Variants in ANO10 observed in about 807,000 individuals in gnomAD.
ANO10 encodes the protein anoctamin-10.
Under a neutral mutation model 74.7 loss-of-function variants are expected in ANO10, and 77 were observed. That is an observed-to-expected ratio of 1.03 (90% CI 0.86 to 1.25). The LOEUF (loss-of-function observed/expected upper bound fraction) is 1.25. Among genes scored for constraint, ANO10 ranks in the 50% most tolerant of loss-of-function variants. The probability of loss-of-function intolerance (pLI) is 0.00; values close to 1 mark genes in which losing one functional copy is unlikely to be tolerated. For missense variants in ANO10, 721 were observed against 778.1 expected (o/e 0.93, Z 0.87); for synonymous variants, 279 against 284.9 (o/e 0.98, Z 0.21).
intron 1 of ANO10, among the ~76,000 whole-genome samples, chr3:43,627,026 A>T (rs1162151358): frequency 1.3e-5 from 2 of 150,042 alleles, no homozygotes; most frequent in Non-Finnish European, 2.9e-5. Context: ...GTGACCATGT[A>T]CTTTCACTGT....
In ANO10 at chr3:43,600,397, G is replaced by C. The variant is rs2082283631; in HGVS notation, c.324C>G (p.Phe108Leu). Residue 108 changes from phenylalanine to leucine, a missense_variant, in exon 3 of 13, where the codon TTC becomes TTG. Coordinates refer to ENST00000292246, the MANE Select transcript of ANO10 (RefSeq NM_018075.5). ...CTTAGGGCTTACCATCAAAACCTTT[G>C]AAGTTCTGTCTGGTTCTGTATGTGA... is the stretch of plus-strand genomic sequence containing the variant. ...RAFTYRTRQN[F>L]KGFDDNNDDF... is the part of the protein sequence containing the mutation. 6.2e-7 allele frequency: 1 copy of C among 1,614,006 alleles called. No homozygotes were observed. Among genetic ancestry groups the C allele is most frequent in the Non-Finnish European group, 8.5e-7 (1 of 1,179,932 alleles).
chr3:43,521,363 G>T (rs2077948410), intron 11 of ANO10, among the ~76,000 whole-genome samples: 2 of 152,154 alleles, frequency 1.3e-5, no homozygotes, highest in Non-Finnish European at 2.9e-5. Context: ...GCCTTTAATG[G>T]TATTTACAGG....
At chr3:43,659,713 A>T (rs1234807464) in intron 1 of ANO10, among the ~76,000 whole-genome samples, 4 of 152,198 alleles carry the variant, frequency 2.6e-5, no homozygotes, top group African/African-American at 7.2e-5. Flanking sequence ...GACAGCTCTG[A>T]AGAGAGCAGT....
intron 11 of ANO10, among the ~76,000 whole-genome samples, chr3:43,492,501 G>A (rs374272367): frequency 1.3e-5 from 2 of 152,104 alleles, no homozygotes; most frequent in East Asian, 1.9e-4. Context: ...GAGTCAACAC[G>A]CAACCTACAG....
chr3:43,652,844 T>C lies in ANO10; in HGVS notation c.-12+38673A>G, dbSNP rs1264236290. 4 of 151,762 alleles carry C rather than the reference T, an allele frequency of 2.6e-5. No homozygotes were observed. The East Asian group carries it at 7.7e-4, about 29-fold the overall frequency. The allele number at this position is 151,762 out of a possible 1,614,324, so 9.4% of individuals were successfully genotyped here. A position where few individuals can be genotyped will look rare whatever the true frequency, so the allele number is the denominator to read the frequency against. ...ATATTAAAAATACTGTTAATAAAAT[T>C]TTACAATAAATACCATAGTGTTAAT... On this transcript the variant is annotated intron_variant, in intron 1 of 3. Transcript: ENST00000413397.
rs559452328 is a variant in ANO10 at position 43,539,195 on chromosome 3, C to T, written c.1797+10525G>A. Among the ~76,000 whole-genome samples the T allele has an allele frequency of 5.7e-4, 86 of 152,168 alleles. 1 individual carries two copies. The South Asian group carries it at 0.017, about 30-fold the overall frequency. On this transcript the variant is annotated intron_variant, in intron 11 of 12. Coordinates refer to ENST00000292246, the MANE Select transcript of ANO10 (RefSeq NM_018075.5). ...CTGCCCCCACATTCCACTTTTTCAA[C>T]GGGTCCCCTGCCACACAGAGCCACC...
chr3:43,472,537 T>C (rs2075901872), intron 11 of ANO10: 1 of 151,532 alleles, frequency 6.6e-6, no homozygotes, highest in African/African-American at 2.4e-5. Context: ...CAGTTACAGA[T>C]CGAACTCCTT....
intron 10 of ANO10, among the ~76,000 whole-genome samples, chr3:43,552,697 G>GAT (rs57438732): frequency 0.012 from 1,441 of 124,408 alleles, 21 homozygotes; most frequent in Non-Finnish European, 0.019. Context: ...ATTATCTCTG[G>GAT]ATATATATAT....
intron 4 of ANO10, among the ~76,000 whole-genome samples, chr3:43,594,846 C>A (rs2081995121): frequency 1.3e-5 from 2 of 151,888 alleles, no homozygotes; most frequent in East Asian, 1.9e-4. Flanking sequence ...AAAAGATCAA[C>A]AAAATTGATA....
Position 43,580,290 on chromosome 3 carries a change from C to T in ANO10, c.592+63G>A, listed in dbSNP as rs989007098. ...CTGCCCAAGGGAGCTGACTCCACTGCTAGATCGTAACTTTTCATCAGAGGC... is the reference window on the plus strand; with the variant it reads ...CTGCCCAAGGGAGCTGACTCCACTGTTAGATCGTAACTTTTCATCAGAGGC... On this transcript the variant is annotated intron_variant, in intron 5 of 12. Transcript: ENST00000292246. 1.9e-6 allele frequency: 3 copies of T among 1,608,102 alleles called. No individual in the cohort carries two copies. In the African/African-American group the frequency reaches 4.0e-5, roughly 21 times the overall value.
intron 1 of ANO10, among the ~76,000 whole-genome samples, chr3:43,620,176 A>C (rs909816261): frequency 7.9e-5 from 12 of 152,306 alleles, no homozygotes; most frequent in African/African-American, 2.9e-4. Context: ...CTAAAACTCT[A>C]ATATTTAAAA....
chr3:43,651,606 G>C (rs930357833), intron 1 of ANO10, among the ~76,000 whole-genome samples: 1 of 152,160 alleles, frequency 6.6e-6, no homozygotes, highest in Non-Finnish European at 1.5e-5. Context: ...AATTCCTTAA[G>C]AGCAGAATTT....
intron 1 of ANO10, among the ~76,000 whole-genome samples, chr3:43,685,491 A>C (rs1318006725): frequency 6.6e-6 from 1 of 152,192 alleles, no homozygotes; most frequent in African/African-American, 2.4e-5. Flanking sequence ...TAGACTACTG[A>C]AGCAAACATC....
intron 1 of ANO10, among the ~76,000 whole-genome samples, chr3:43,656,778 A>G (rs904460424): frequency 3.9e-5 from 6 of 152,196 alleles, no homozygotes; most frequent in African/African-American, 1.4e-4. Context: ...CAAGTGCTGC[A>G]CACAGCCCGG....
intron 1 of ANO10, among the ~76,000 whole-genome samples, chr3:43,663,160 C>A (rs1275224699): frequency 6.6e-6 from 1 of 152,092 alleles, no homozygotes; most frequent in African/African-American, 2.4e-5. Context: ...GCTGGCAAAC[C>A]GAATCCAGTA....
intron 11 of ANO10, among the ~76,000 whole-genome samples, chr3:43,508,756 G>C (rs2077392861): frequency 6.7e-6 from 1 of 149,954 alleles, no homozygotes; most frequent in Non-Finnish European, 1.5e-5. Context: ...AGAACACCTG[G>C]ACACAGGAAG....
intron 11 of ANO10, among the ~76,000 whole-genome samples, chr3:43,473,144 G>A (rs1171771819): frequency 6.8e-6 from 1 of 146,632 alleles, no homozygotes; most frequent in East Asian, 1.9e-4. Context: ...AAGATTTTTG[G>A]TCCAAAATGT....
intron 12 of ANO10, among the ~76,000 whole-genome samples, chr3:43,428,795 G>GAAAAAA (rs1245373022): frequency 1.5e-3 from 5 of 3,418 alleles, no homozygotes; most frequent in Non-Finnish European, 3.7e-3. Context: ...CTTTGTGAAT[G>GAAAAAA]CAAAAAAAAA....
chr3:43,681,395 T>C (rs1460112168), intron 1 of ANO10, among the ~76,000 whole-genome samples: 8 of 152,148 alleles, frequency 5.3e-5, no homozygotes, highest in African/African-American at 1.4e-4. Flanking sequence ...TAAATATATA[T>C]GCACCCAATA....
Sources: gnomAD v4.1 joint callset for allele counts (sites outside exome capture counted in the v4.1 genomes callset) on GRCh38, gnomAD v4.1.1 for gene constraint, MANE v1.5 for transcripts, NCBI Gene and HGNC (gene_info 2026-07-23, HGNC 2026-07-21) for gene names.